RAB30: variants seen among roughly 807,000 people sequenced by gnomAD.
The protein encoded by RAB30 is ras-related protein Rab-30.
In RAB30, 9 loss-of-function variants were observed where a neutral mutation model predicts 25.1. The observed-to-expected ratio is 0.36, with a 90% CI of 0.22 to 0.63. The LOEUF is 0.63. Among genes scored for constraint, RAB30 ranks in the 20% least tolerant of loss-of-function variants. RAB30 has a pLI of 0.69. For synonymous variants in RAB30, 77 were observed against 86.4 expected (o/e 0.89, Z 0.60); for missense variants, 140 against 243.5 (o/e 0.58, Z 2.83).
chr11:83,052,961 T>TA (rs1192357656), intron 1 of RAB30, among the ~76,000 whole-genome samples: 1 of 152,110 alleles, frequency 6.6e-6, no homozygotes, highest in Non-Finnish European at 1.5e-5. Context: ...AATGTTTTAG[T>TA]AAAAAAACTT....
chr11:82,997,194 G>GCTTACGAGTTCC, intron 2 of RAB30, 30 bp downstream of exon 2: 2 of 1,556,746 alleles, frequency 1.3e-6, no homozygotes, highest in Non-Finnish European at 1.8e-6. Flanking sequence ...CCAACCCTGG[G>GCTTACGAGTTCC]CTTACGAGTT....
intron 2 of RAB30, among the ~76,000 whole-genome samples, chr11:82,995,840 C>T (rs370909098): frequency 6.6e-6 from 1 of 152,206 alleles, no homozygotes; most frequent in Non-Finnish European, 1.5e-5. Flanking sequence ...CCTAAGCAGG[C>T]ATTTAGCCCC....
At chr11:83,020,312 C>G (rs1230101774) in intron 1 of RAB30, among the ~76,000 whole-genome samples, 1 of 152,238 alleles carries the variant, frequency 6.6e-6, no homozygotes, top group Non-Finnish European at 1.5e-5. Context: ...TATGCCTGCT[C>G]TAATCTCAGA....
intron 1 of RAB30, among the ~76,000 whole-genome samples, chr11:83,047,012 G>A (rs982179933): frequency 2.0e-5 from 3 of 152,072 alleles, no homozygotes; most frequent in Non-Finnish European, 4.4e-5. Context: ...GGCTCTTCAC[G>A]CAGAGCAGTA....
chr11:83,009,763 G>C lies in RAB30; in HGVS notation c.-8-12439C>G, dbSNP rs1025493813. Among the ~76,000 whole-genome samples, 5 of 152,082 alleles carry C rather than the reference G, an allele frequency of 3.3e-5. No homozygotes were observed. The East Asian group carries it at 7.7e-4, about 23-fold the overall frequency. ...AACATTAACAGGTGAAGTAGAAAGA[G>C]GCACAACTTTCCTCAATAGCAACTT... On this transcript the variant is annotated intron_variant, in intron 1 of 4. Coordinates refer to ENST00000527633, the MANE Select transcript of RAB30 (RefSeq NM_001286060.2).
chr11:83,001,263 C>T (rs779125288), intron 1 of RAB30, among the ~76,000 whole-genome samples: 3 of 152,090 alleles, frequency 2.0e-5, no homozygotes, highest in Admixed American at 6.5e-5. Context: ...TGCAGTGGCG[C>T]GATCATGGAT....
Position 82,982,261 on chromosome 11 carries a change from A to G in RAB30, c.516T>C (p.Ser172=), listed in dbSNP as rs1444487070. 6.2e-7 allele frequency: 1 copy of G among 1,614,118 alleles called. No individual in the cohort carries two copies. The highest frequency in any genetic ancestry group is 8.5e-7 in the Non-Finnish European group (1 of 1,180,044). Residue 172 remains serine (S), a synonymous_variant, in exon 5 of 5, where the codon AGT becomes AGC. Transcript: ENST00000527633. ...TCACAAGTGTGTTCTGTCTGGCTTC[A>G]CTGATGAGTCGGCATGCTAAGTCAA... ...LFLDLACRLI[S]EARQNTLVNN...
At position 83,026,147 on chromosome 11, in the gene RAB30, T is replaced by C. The variant is rs138689270; in HGVS notation, c.-8-28823A>G. Among the ~76,000 whole-genome samples, 45 of 150,154 alleles carry C rather than the reference T, an allele frequency of 3.0e-4. No individual in the cohort carries two copies. The East Asian group carries it at 9.1e-3, about 30-fold the overall frequency. The stretch of plus-strand genomic sequence containing the variant: ...TTGAGGCCACAGTGACCTCTGATCA[T>C]GCCACTGCACTCCCACCTAGGCTAC... On this transcript the variant is annotated intron_variant, in intron 1 of 4. Coordinates refer to ENST00000527633, the MANE Select transcript of RAB30 (RefSeq NM_001286060.2).
chr11:83,070,829 G>C (rs76884436), intron 1 of RAB30, among the ~76,000 whole-genome samples: 1,953 of 152,254 alleles, frequency 0.013, 37 homozygotes, highest in Middle Eastern at 0.048. Context: ...TTTCTCTAAT[G>C]TGTTAAAATG....
rs1856610132 is a variant in RAB30, at chr11:82,979,891, G to T, written c.*2274C>A. The T allele has an allele frequency of 6.6e-6, 1 of 152,128 alleles. No homozygotes were observed. The highest frequency in any genetic ancestry group is 2.1e-4 in the South Asian group (1 of 4,820). The allele number at this position is 152,128 out of a possible 1,614,324, so 9.4% of individuals were successfully genotyped here. ...GTCTGGCCAAGGGTATATAGAGAAG[G>T]CTAAACCCTAGGGAATAATACAAGT... is the stretch of plus-strand genomic sequence containing the variant. On this transcript the variant is annotated 3_prime_UTR_variant, in exon 5 of 5. Coordinates refer to ENST00000527633, the MANE Select transcript of RAB30 (RefSeq NM_001286060.2).
At chr11:83,008,764 T>A (rs1857240598) in intron 1 of RAB30, among the ~76,000 whole-genome samples, 1 of 152,028 alleles carries the variant, frequency 6.6e-6, no homozygotes, top group Non-Finnish European at 1.5e-5. Flanking sequence ...TTAACCCCTG[T>A]CCCCACTGCA....
intron 1 of RAB30, among the ~76,000 whole-genome samples, chr11:83,008,733 C>T (rs550538544): frequency 1.3e-5 from 2 of 152,206 alleles, no homozygotes; most frequent in African/African-American, 4.8e-5. Flanking sequence ...GTCACCAAGG[C>T]CTGCTTGAAT....
chr11:83,052,615 GC>G (rs765102284), intron 1 of RAB30, among the ~76,000 whole-genome samples: 12 of 152,222 alleles, frequency 7.9e-5, no homozygotes, highest in Non-Finnish European at 1.0e-4. Context: ...AAGACACTGT[GC>G]CCACAGGGGA....
chr11:83,044,278 AC>A (rs899226973), intron 1 of RAB30, among the ~76,000 whole-genome samples: 5 of 152,220 alleles, frequency 3.3e-5, no homozygotes, highest in Non-Finnish European at 7.3e-5. Flanking sequence ...TTTATTCACA[AC>A]CTAATGAAAG....
rs1187534235 is a variant in RAB30, at chr11:82,978,447, C to A, written c.*3718G>T. The A allele has an allele frequency of 6.7e-6, 1 of 149,630 alleles. No homozygotes were observed. The highest frequency in any genetic ancestry group is 2.4e-5 in the African/African-American group (1 of 40,938). 9.3% of individuals were successfully genotyped at this position (149,630 alleles called of 1,614,324 possible). On this transcript the variant is annotated 3_prime_UTR_variant, in exon 5 of 5. Coordinates refer to ENST00000527633, the MANE Select transcript of RAB30 (RefSeq NM_001286060.2). ...CCTTGATTAACTTGTTTTCTGAATA[C>A]CTTTAGTTGCTGGCTTAGTGGAGAA...
intron 1 of RAB30, among the ~76,000 whole-genome samples, chr11:83,069,647 T>G (rs2121522962): frequency 1.3e-5 from 2 of 152,254 alleles, no homozygotes; most frequent in South Asian, 4.1e-4. Flanking sequence ...AAAAATGTAT[T>G]GTATAAGGCA....
At chr11:82,984,400 A>G (rs2121433816) in intron 4 of RAB30, among the ~76,000 whole-genome samples, 1 of 152,290 alleles carries the variant, frequency 6.6e-6, no homozygotes, top group East Asian at 1.9e-4. Flanking sequence ...CCCTCATACT[A>G]GAATCGTCTG....
chr11:83,061,266 A>T (rs1858569793), intron 1 of RAB30, among the ~76,000 whole-genome samples: 1 of 151,612 alleles, frequency 6.6e-6, no homozygotes, highest in South Asian at 2.1e-4. Flanking sequence ...CCATCCATCA[A>T]TCCATCCATC....
chr11:83,031,895 A>G (rs1398432924), intron 1 of RAB30, among the ~76,000 whole-genome samples: 1 of 152,128 alleles, frequency 6.6e-6, no homozygotes, highest in African/African-American at 2.4e-5. Flanking sequence ...TTCTGCCTCT[A>G]TTTGTCTTGA....
Sources: gnomAD v4.1 joint callset for allele counts (sites outside exome capture counted in the v4.1 genomes callset) on GRCh38, gnomAD v4.1.1 for gene constraint, MANE v1.5 for transcripts, NCBI Gene and HGNC (gene_info 2026-07-23, HGNC 2026-07-21) for gene names.